The following KLF12 variants were observed in gnomAD, a reference collection of about 807,000 sequenced individuals.
The protein encoded by KLF12 is Krueppel-like factor 12.
KLF12 carries 9 observed loss-of-function variants against 37.8 expected under a neutral mutation model. The ratio of observed to expected loss-of-function variants is 0.24; its 90% CI spans 0.14 to 0.42. The LOEUF (loss-of-function observed/expected upper bound fraction) is 0.42, where lower values mean the gene tolerates loss of function less well. Among genes scored for constraint, KLF12 ranks in the 10% least tolerant of loss-of-function variants. KLF12 has a pLI of 1.00. For missense variants in KLF12, 411 were observed against 516.0 expected, an observed-to-expected ratio of 0.80 and a Z score of 1.97; for synonymous variants, 208 against 202.1, an observed-to-expected ratio of 1.03 and a Z score of -0.25.
At chr13:74,232,756 A>G in the KLF12 span, among the ~76,000 whole-genome samples, 1 of 152,354 alleles carries the variant, frequency 6.6e-6, no homozygotes, top group East Asian at 1.9e-4. Flanking sequence ...CTTGATAATT[A>G]TGTGGTCCCA....
chr13:74,275,822 C>CTT, the KLF12 span, among the ~76,000 whole-genome samples: 2 of 107,302 alleles, frequency 1.9e-5, no homozygotes, highest in East Asian at 4.7e-4. Context: ...TTCTTTCTTT[C>CTT]TTTCTTTCTT....
intron 3 of KLF12, among the ~76,000 whole-genome samples, chr13:73,936,679 T>C (rs959223193): frequency 6.6e-6 from 1 of 152,148 alleles, no homozygotes; most frequent in African/African-American, 2.4e-5. Flanking sequence ...GGGTTCTTCC[T>C]CCCTGCTTTG....
chr13:74,245,934 A>C, the KLF12 span, among the ~76,000 whole-genome samples: 1 of 152,244 alleles, frequency 6.6e-6, no homozygotes, highest in Non-Finnish European at 1.5e-5. Context: ...ATCGCATGGC[A>C]AAGCTGAGTT....
intron 4 of KLF12, among the ~76,000 whole-genome samples, chr13:73,818,801 C>T (rs922077590): frequency 1.4e-4 from 21 of 152,218 alleles, no homozygotes; most frequent in Non-Finnish European, 1.5e-4. Context: ...GAAGTGGCTG[C>T]CCAGGCAGGC....
intron 7 of KLF12, among the ~76,000 whole-genome samples, chr13:73,709,408 CA>C (rs1215931985): frequency 6.6e-6 from 1 of 152,094 alleles, no homozygotes; most frequent in African/African-American, 2.4e-5. Flanking sequence ...TGGTCACACA[CA>C]AGTAACTTAC....
At chr13:74,301,256 A>G in the KLF12 span, among the ~76,000 whole-genome samples, 5 of 152,166 alleles carry the variant, frequency 3.3e-5, no homozygotes, top group Non-Finnish European at 7.3e-5. Flanking sequence ...GCAGTTAACA[A>G]TGTGAACCCA....
chr13:73,984,265 C>T (rs961974295), intron 2 of KLF12, among the ~76,000 whole-genome samples: 5 of 152,166 alleles, frequency 3.3e-5, no homozygotes, highest in Non-Finnish European at 5.9e-5. Context: ...TGGCGGGACT[C>T]GGGGCAGTAG....
chr13:74,132,503 A>G (rs1423005953), intron 1 of KLF12, among the ~76,000 whole-genome samples: 1 of 152,214 alleles, frequency 6.6e-6, no homozygotes, highest in Non-Finnish European at 1.5e-5. Context: ...TCCATTAGCC[A>G]GTGGAATTAT....
chr13:73,957,505 GA>G (rs1890881636), intron 2 of KLF12, among the ~76,000 whole-genome samples: 1 of 152,170 alleles, frequency 6.6e-6, no homozygotes, highest in African/African-American at 2.4e-5. Flanking sequence ...ATTAGCCTCA[GA>G]AGTCTCCAAA....
chr13:74,045,611 A>G (rs1432150316), intron 1 of KLF12, among the ~76,000 whole-genome samples: 2 of 142,278 alleles, frequency 1.4e-5, no homozygotes, highest in Non-Finnish European at 3.0e-5. Flanking sequence ...TCATTTGATT[A>G]CAGCATTGAC....
At chr13:74,181,951 T>C in the KLF12 span, among the ~76,000 whole-genome samples, 2 of 152,230 alleles carry the variant, frequency 1.3e-5, no homozygotes, top group African/African-American at 2.4e-5. Flanking sequence ...TGCACATATA[T>C]ATATGCCTAA....
intron 1 of KLF12, among the ~76,000 whole-genome samples, chr13:74,101,092 T>C (rs2138869664): frequency 6.6e-6 from 1 of 152,228 alleles, no homozygotes; most frequent in South Asian, 2.1e-4. Context: ...TAAGACAACT[T>C]TTGTTCCCAG....
At chr13:74,063,250 T>C (rs1436240430) in intron 1 of KLF12, among the ~76,000 whole-genome samples, 2 of 152,184 alleles carry the variant, frequency 1.3e-5, no homozygotes, top group African/African-American at 4.8e-5. Context: ...GAATACTTAG[T>C]TTCATTTTGA....
chr13:74,212,009 A>G, the KLF12 span, among the ~76,000 whole-genome samples: 4 of 152,200 alleles, frequency 2.6e-5, no homozygotes, highest in Admixed American at 2.0e-4. Context: ...ATAATGCATG[A>G]CATATGGTTT....
chr13:74,103,106 T>A (rs1057446138), intron 1 of KLF12, among the ~76,000 whole-genome samples: 3 of 152,208 alleles, frequency 2.0e-5, no homozygotes, highest in Non-Finnish European at 2.9e-5. Context: ...GAGAGAGGGG[T>A]ATGTGATGGA....
At chr13:73,750,366 A>G (rs1365119163) in intron 6 of KLF12, among the ~76,000 whole-genome samples, 1 of 152,178 alleles carries the variant, frequency 6.6e-6, no homozygotes, top group Non-Finnish European at 1.5e-5. Flanking sequence ...AGATGAGGAT[A>G]GTGGAAGAGA....
chr13:73,779,528 C>T (rs1194929420), intron 5 of KLF12, among the ~76,000 whole-genome samples: 2 of 152,204 alleles, frequency 1.3e-5, no homozygotes, highest in Non-Finnish European at 2.9e-5. Context: ...TTACCCTATC[C>T]ATTTCTTCCA....
intron 1 of KLF12, among the ~76,000 whole-genome samples, chr13:74,112,611 C>G (rs1032179820): frequency 6.6e-6 from 1 of 152,052 alleles, no homozygotes; most frequent in African/African-American, 2.4e-5. Context: ...GGCTTCGGGG[C>G]AACACAAACC....
At chr13:73,896,358 T>A (rs1346789021) in intron 3 of KLF12, among the ~76,000 whole-genome samples, 1 of 152,210 alleles carries the variant, frequency 6.6e-6, no homozygotes, top group African/African-American at 2.4e-5. Context: ...ACTGTCACAC[T>A]GAGAATGAGA....
Sources: allele counts gnomAD v4.1 joint callset (sites outside exome capture counted in the v4.1 genomes callset), GRCh38; gene constraint gnomAD v4.1.1; transcripts MANE v1.5; gene names NCBI Gene and HGNC (gene_info 2026-07-23, HGNC 2026-07-21).